OR51B5: variants seen among roughly 807,000 people sequenced by gnomAD.
OR51B5 encodes olfactory receptor 51B5.
For missense variants in OR51B5, 456 were observed against 374.6 expected (o/e 1.22, Z -1.79); for synonymous variants, 186 against 144.8 (o/e 1.28, Z -2.04).
At chr11:5,438,472 G>C (rs1199728557) in intron 1 of OR51B5, among the ~76,000 whole-genome samples, 1 of 152,058 alleles carries the variant, frequency 6.6e-6, no homozygotes, top group Non-Finnish European at 1.5e-5. Flanking sequence ...ACTGGATCCA[G>C]TTTTTTCATT....
At chr11:5,466,091 T>A (rs906651832) in intron 1 of OR51B5, among the ~76,000 whole-genome samples, 8 of 152,124 alleles carry the variant, frequency 5.3e-5, no homozygotes, top group Admixed American at 1.3e-4. Context: ...GAATCTACAA[T>A]GAACTCAAAC....
intron 1 of OR51B5, chr11:5,505,252 T>A (rs1214146620): frequency 8.3e-7 from 1 of 1,205,356 alleles, no homozygotes; most frequent in African/African-American, 1.6e-5. Flanking sequence ...GCTATTAGGT[T>A]TTTTGTTTTT....
chr11:5,428,211 T>C (rs1297836490), intron 1 of OR51B5, among the ~76,000 whole-genome samples: 8 of 152,138 alleles, frequency 5.3e-5, no homozygotes, highest in Admixed American at 2.6e-4. Context: ...TGAGAAGATA[T>C]AGGCGTACCT....
chr11:5,349,926 G>C (rs1394431247), intron 1 of OR51B5, among the ~76,000 whole-genome samples: 1 of 151,830 alleles, frequency 6.6e-6, no homozygotes, highest in Non-Finnish European at 1.5e-5. Context: ...CTGCTGATTA[G>C]AGAAACTATA....
At chr11:5,411,929 C>G (rs7106613) in intron 1 of OR51B5, among the ~76,000 whole-genome samples, 123,717 of 152,192 alleles carry the variant, frequency 0.81, 51,344 homozygotes, top group Non-Finnish European at 0.89. Context: ...TTCCCTAAAG[C>G]CTTGAGAAAG....
chr11:5,395,481 TG>T lies in OR51B5; in HGVS notation n.85-48572del, dbSNP rs137908558. ...AAGATGGCCAATCTGTTGTTAGGGC[TG>T]CTGTTCTATCATATCTCCCGTGATG... On this transcript the variant is annotated intron_variant and non_coding_transcript_variant, in intron 1 of 4. Coordinates refer to the OR51B5 transcript ENST00000415970. 8.2e-3 allele frequency among the ~76,000 whole-genome samples: 1,251 copies of T among 152,306 alleles called. 20 individuals are homozygous for T. Among genetic ancestry groups the T allele is most frequent in the African/African-American group, 0.029 (1,198 of 41,564 alleles).
intron 1 of OR51B5, among the ~76,000 whole-genome samples, chr11:5,503,371 G>A (rs868739565): frequency 2.6e-5 from 4 of 152,082 alleles, no homozygotes; most frequent in Non-Finnish European, 5.9e-5. Context: ...AAAATGTCAC[G>A]TGTAAATAAA....
intron 1 of OR51B5, among the ~76,000 whole-genome samples, chr11:5,462,476 T>G (rs1248730213): frequency 6.6e-6 from 1 of 152,188 alleles, no homozygotes; most frequent in East Asian, 1.9e-4. Flanking sequence ...CTGACCTACC[T>G]CAATTAAGCC....
At chr11:5,362,079 CT>C (rs1239762908) in intron 1 of OR51B5, among the ~76,000 whole-genome samples, 1 of 152,118 alleles carries the variant, frequency 6.6e-6, no homozygotes, top group African/African-American at 2.4e-5. Flanking sequence ...AGAAATGAGC[CT>C]AGTATCCATC....
intron 1 of OR51B5, among the ~76,000 whole-genome samples, chr11:5,355,792 G>C (rs115369469): frequency 6.6e-6 from 1 of 151,608 alleles, no homozygotes; most frequent in Admixed American, 6.6e-5. Flanking sequence ...GGGTCAAGGG[G>C]TATAGGGTAG....
upstream of OR51B5, chr11:5,505,652 GA>G (rs1846364296): frequency 2.7e-6 from 1 of 370,928 alleles, no homozygotes; most frequent in Admixed American, 4.2e-5. Context: ...GGCAAAAAGA[GA>G]GCTTGTGTAG....
At chr11:5,342,786 G>A in exon 1 of OR51B5, 1 of 1,613,630 alleles carries the variant, frequency 6.2e-7, no homozygotes, top group Middle Eastern at 1.7e-4. Context: ...TAAAAAACCA[G>A]GACACAGCAG....
intron 1 of OR51B5, among the ~76,000 whole-genome samples, chr11:5,484,764 T>C (rs952469430): frequency 6.6e-6 from 1 of 152,212 alleles, no homozygotes; most frequent in Non-Finnish European, 1.5e-5. Context: ...TTGGCCCTTG[T>C]CTTTGAACAA....
chr11:5,476,838 CAG>C (rs1191099574), intron 1 of OR51B5, among the ~76,000 whole-genome samples: 1 of 151,964 alleles, frequency 6.6e-6, no homozygotes, highest in African/African-American at 2.4e-5. Context: ...TGATATGTTA[CAG>C]AGTTAGATAG....
At chr11:5,420,488 G>A (rs1265927875) in intron 1 of OR51B5, among the ~76,000 whole-genome samples, 1 of 151,790 alleles carries the variant, frequency 6.6e-6, no homozygotes, top group Non-Finnish European at 1.5e-5. Context: ...GATAAATATT[G>A]ATATATTTAA....
intron 1 of OR51B5, among the ~76,000 whole-genome samples, chr11:5,365,216 T>C (rs186646616): frequency 1.2e-4 from 19 of 152,338 alleles, no homozygotes; most frequent in Non-Finnish European, 4.4e-5. Context: ...ATAAGTTGTC[T>C]ATTATATCAG....
intron 1 of OR51B5, among the ~76,000 whole-genome samples, chr11:5,425,571 T>G (rs1456311253): frequency 2.6e-5 from 4 of 152,200 alleles, no homozygotes; most frequent in Non-Finnish European, 5.9e-5. Context: ...CATCATGATA[T>G]GTTTAGATTT....
chr11:5,363,564 C>G (rs774816902), intron 1 of OR51B5, among the ~76,000 whole-genome samples: 2 of 151,914 alleles, frequency 1.3e-5, no homozygotes, highest in Non-Finnish European at 2.9e-5. Context: ...AGCACAGATA[C>G]CAAGTTTTTG....
intron 1 of OR51B5, chr11:5,389,666 T>A: frequency 6.2e-7 from 1 of 1,613,702 alleles, no homozygotes; most frequent in Non-Finnish European, 8.5e-7. Context: ...TGTGTCCACG[T>A]TGCCCACCAC....
Sources: gnomAD v4.1 joint callset for allele counts (sites outside exome capture counted in the v4.1 genomes callset) on GRCh38, gnomAD v4.1.1 for gene constraint, MANE v1.5 for transcripts, NCBI Gene and HGNC (gene_info 2026-07-23, HGNC 2026-07-21) for gene names.